The following TTLL5 variants were observed in gnomAD, a reference collection of about 807,000 sequenced individuals.
TTLL5 encodes the protein tubulin polyglutamylase TTLL5.
In TTLL5, 132 loss-of-function variants were observed where a neutral mutation model predicts 168.4. The observed-to-expected ratio is 0.78, with a 90% CI of 0.68 to 0.91. The LOEUF is 0.91. Ranked by LOEUF, TTLL5 falls within the 40% of genes least tolerant of loss-of-function variation. The pLI, the probability that TTLL5 is intolerant of heterozygous loss-of-function variation, is 0.00. For synonymous variants in TTLL5, 546 were observed against 558.6 expected, an observed-to-expected ratio of 0.98 and a Z score of 0.32; for missense variants, 1,545 against 1,581.5, an observed-to-expected ratio of 0.98 and a Z score of 0.39.
At chr14:75,951,999 C>T (rs1354713581) in intron 31 of TTLL5, among the ~76,000 whole-genome samples, 2 of 152,062 alleles carry the variant, frequency 1.3e-5, no homozygotes, top group Non-Finnish European at 2.9e-5. Context: ...AGTAAAACAA[C>T]AATCCATGAA....
intron 28 of TTLL5, among the ~76,000 whole-genome samples, chr14:75,861,423 C>T (rs981986192): frequency 6.6e-6 from 1 of 152,104 alleles, no homozygotes; most frequent in Non-Finnish European, 1.5e-5. Flanking sequence ...TCACTTTGCT[C>T]CCTCCTTCAG....
chr14:75,902,000 C>A, intron 30 of TTLL5, 142 bp from the exon 31 acceptor site: 1 of 690,492 alleles, frequency 1.4e-6, no homozygotes, highest in Non-Finnish European at 2.6e-6. Context: ...GATAAGGTGA[C>A]ATTTGAACAA....
At chr14:75,918,327 G>A (rs911174095) in intron 31 of TTLL5, among the ~76,000 whole-genome samples, 3 of 152,138 alleles carry the variant, frequency 2.0e-5, no homozygotes, top group Admixed American at 6.5e-5. Context: ...AAGGGGGGAT[G>A]GCTAATGATA....
intron 3 of TTLL5, among the ~76,000 whole-genome samples, chr14:75,679,202 C>G (rs779390856): frequency 1.3e-5 from 2 of 152,166 alleles, no homozygotes; most frequent in East Asian, 3.8e-4. Context: ...GGAGATTATC[C>G]TGGACTATCC....
At chr14:75,670,207 C>T (rs1368218322) in intron 3 of TTLL5, among the ~76,000 whole-genome samples, 4 of 151,942 alleles carry the variant, frequency 2.6e-5, no homozygotes, top group Non-Finnish European at 5.9e-5. Context: ...TTTGTTTCCA[C>T]CTTTTTTTTT....
chr14:75,817,044 A>G (rs1159275435), intron 27 of TTLL5, among the ~76,000 whole-genome samples: 1 of 127,258 alleles, frequency 7.9e-6, no homozygotes, highest in Non-Finnish European at 1.5e-5. Flanking sequence ...GCAGTGCGCT[A>G]TCTGAGCTCA....
At chr14:75,745,036 A>G (rs376123647) in intron 15 of TTLL5, 59 bp from the exon 16 acceptor site, 3 of 1,331,180 alleles carry the variant, frequency 2.3e-6, no homozygotes, top group African/African-American at 2.9e-5. Flanking sequence ...ACAGAGGGTA[A>G]TGAGGAGTAA....
intron 31 of TTLL5, among the ~76,000 whole-genome samples, chr14:75,943,637 A>G (rs2034680530): frequency 6.6e-6 from 1 of 152,218 alleles, no homozygotes. Flanking sequence ...CAAACCTCAA[A>G]TAATTCCCAC....
chr14:75,924,776 C>T (rs1419476584), intron 31 of TTLL5, among the ~76,000 whole-genome samples: 3 of 152,044 alleles, frequency 2.0e-5, no homozygotes, highest in South Asian at 2.1e-4. Context: ...GTCATCCCGG[C>T]CCGCTCTCAA....
chr14:75,903,631 C>CA (rs2033019159), intron 31 of TTLL5, among the ~76,000 whole-genome samples: 1 of 151,916 alleles, frequency 6.6e-6, no homozygotes, highest in Non-Finnish European at 1.5e-5. Flanking sequence ...AGGCCAGGTA[C>CA]AGTGGCTCAT....
At chr14:75,714,220 A>T (rs1198416718) in intron 9 of TTLL5, among the ~76,000 whole-genome samples, 3 of 152,174 alleles carry the variant, frequency 2.0e-5, no homozygotes, top group African/African-American at 7.2e-5. Flanking sequence ...TTGTCATTGC[A>T]TTATATGTGA....
At chr14:75,835,944 G>A (rs1895842587) in intron 28 of TTLL5, among the ~76,000 whole-genome samples, 1 of 152,194 alleles carries the variant, frequency 6.6e-6, no homozygotes, top group African/African-American at 2.4e-5. Flanking sequence ...CTGCTAGTTG[G>A]AATGTAATTA....
intron 18 of TTLL5, among the ~76,000 whole-genome samples, chr14:75,764,048 G>T (rs764545316): frequency 1.3e-5 from 2 of 152,000 alleles, no homozygotes; most frequent in East Asian, 1.9e-4. Context: ...GAGTCCCTAG[G>T]GCTTGGTGAC....
intron 27 of TTLL5, among the ~76,000 whole-genome samples, chr14:75,811,695 G>T (rs1200154181): frequency 1.3e-5 from 2 of 152,140 alleles, no homozygotes; most frequent in Non-Finnish European, 2.9e-5. Flanking sequence ...TTTGAGGTGT[G>T]GACTTCTCTT....
intron 2 of TTLL5, among the ~76,000 whole-genome samples, chr14:75,667,885 C>T (rs1377216207): frequency 6.6e-6 from 1 of 151,706 alleles, no homozygotes. Flanking sequence ...CTCAGCCTCC[C>T]GAGTAGCTGG....
chr14:75,718,086 G>C (rs1887589659), intron 10 of TTLL5, 124 bp downstream of exon 10: 1 of 792,286 alleles, frequency 1.3e-6, no homozygotes, highest in Non-Finnish European at 2.1e-6. Flanking sequence ...ACCATTTATG[G>C]AAATCTGTCA....
rs2035057012 is a variant in TTLL5, at chr14:75,954,595, T to C, written c.*149T>C. 3.9e-6 allele frequency: 3 copies of C among 777,460 alleles called. No individual in the cohort carries two copies. The highest frequency in any genetic ancestry group is 5.1e-5 in the East Asian group (2 of 39,386). The allele number at this position is 777,460 out of a possible 1,614,324, so 48.2% of individuals were successfully genotyped here. A position where few individuals can be genotyped will look rare whatever the true frequency, so the allele number is the denominator to read the frequency against. On this transcript the variant is annotated 3_prime_UTR_variant, in exon 32 of 32. Transcript: ENST00000298832. ...GCCTTCGAGCAGAAGTGGCAGTAGA[T>C]GGTTGCCAATCAGCCAATGCAGACT...
intron 22 of TTLL5, 27 bp downstream of exon 22, chr14:75,775,657 C>G: frequency 6.2e-7 from 1 of 1,612,632 alleles, no homozygotes; most frequent in Non-Finnish European, 8.5e-7. Context: ...TAGTCTTGTG[C>G]TTTGGATTGC....
rs537807529 is a variant in TTLL5, at chr14:75,866,892, G to A, written c.3522+3030G>A. On this transcript the variant is annotated intron_variant, in intron 29 of 31. Transcript: ENST00000298832. ...AGGAAAGTCACCCAGAGCCAGTGGC[G>A]GAAGTTTTCAGGAACAGAGATACAA... 5.9e-5 allele frequency among the ~76,000 whole-genome samples: 9 copies of A among 152,278 alleles called. No individual in the cohort carries two copies. In the South Asian group the frequency reaches 8.3e-4, roughly 14 times the overall value.
Sources: allele counts gnomAD v4.1 joint callset (sites outside exome capture counted in the v4.1 genomes callset), GRCh38; gene constraint gnomAD v4.1.1; transcripts MANE v1.5; gene names NCBI Gene and HGNC (gene_info 2026-07-23, HGNC 2026-07-21).